AOPEP: variants seen among roughly 807,000 people sequenced by gnomAD.
AOPEP encodes aminopeptidase O.
In AOPEP, 77 loss-of-function variants were observed where a neutral mutation model predicts 98.1. That is an observed-to-expected ratio of 0.78 (90% CI 0.65 to 0.95). The LOEUF is 0.95. AOPEP is among the 40% of genes least tolerant of loss of function. The pLI is 0.00. For synonymous variants in AOPEP, 346 were observed against 365.3 expected (o/e 0.95, Z 0.60); for missense variants, 1,024 against 1,024.7 (o/e 1.00, Z 0.01).
At chr9:95,090,734 G>A (rs1454083157), downstream of AOPEP, among the ~76,000 whole-genome samples, 1 of 152,164 alleles carries the variant, frequency 6.6e-6, no homozygotes, top group African/African-American at 2.4e-5. Context: ...AATTCTGGCT[G>A]GACAAAGGCA....
At chr9:94,791,981 A>G (rs1449895085) in intron 3 of AOPEP, among the ~76,000 whole-genome samples, 3 of 152,248 alleles carry the variant, frequency 2.0e-5, no homozygotes, top group African/African-American at 7.2e-5. Flanking sequence ...TGAGGGGAGT[A>G]TAGTGTTACA....
intron 14 of AOPEP, among the ~76,000 whole-genome samples, chr9:95,076,314 C>T (rs183608700): frequency 6.6e-6 from 1 of 152,340 alleles, no homozygotes; most frequent in African/African-American, 2.4e-5. Context: ...GATGTACACA[C>T]TGATCTGGAC....
chr9:94,960,895 C>G (rs1164292399), intron 9 of AOPEP, among the ~76,000 whole-genome samples: 1 of 151,882 alleles, frequency 6.6e-6, no homozygotes, highest in Non-Finnish European at 1.5e-5. Flanking sequence ...GCCTGTAGTC[C>G]CAGCTACTCG....
At chr9:95,104,362 G>A in the AOPEP span, among the ~76,000 whole-genome samples, 2 of 152,222 alleles carry the variant, frequency 1.3e-5, no homozygotes, top group Admixed American at 6.5e-5. Context: ...CCACACTGGC[G>A]TCTGCTCTGG....
At chr9:94,833,515 G>A (rs1280572903) in intron 5 of AOPEP, among the ~76,000 whole-genome samples, 1 of 152,070 alleles carries the variant, frequency 6.6e-6, no homozygotes, top group Admixed American at 6.6e-5. Context: ...GGGATTACAG[G>A]TGTGAGCCAC....
intron 14 of AOPEP, among the ~76,000 whole-genome samples, chr9:95,073,807 C>T (rs576203558): frequency 1.6e-4 from 25 of 152,034 alleles, no homozygotes; most frequent in Non-Finnish European, 3.2e-4. Context: ...TGCAGTGAGC[C>T]GAGATCGCGT....
rs147896388 is a variant in AOPEP at position 94,780,699 on chromosome 9, A to G, written c.964+7531A>G. Among the ~76,000 whole-genome samples, 36 of 152,354 alleles carry G rather than the reference A, an allele frequency of 2.4e-4. No individual in the cohort carries two copies. The East Asian group carries it at 6.7e-3, about 29-fold the overall frequency. ...ACAAGATGATGCTATTTCCTTTCTA[A>G]GTCATGTTTTCTCGATTGGCAGATT... On this transcript the variant is annotated intron_variant, in intron 3 of 16. Transcript: ENST00000375315.
intron 3 of AOPEP, among the ~76,000 whole-genome samples, chr9:94,773,722 A>C (rs1388235127): frequency 1.3e-5 from 2 of 152,242 alleles, no homozygotes; most frequent in African/African-American, 4.8e-5. Context: ...TTATTGCAGC[A>C]TTTAACTTTT....
intron 10 of AOPEP, among the ~76,000 whole-genome samples, chr9:94,976,198 A>G (rs915356061): frequency 6.6e-6 from 1 of 152,072 alleles, no homozygotes; most frequent in East Asian, 1.9e-4. Flanking sequence ...CCAGCCTTCC[A>G]CAGAACCTTT....
intron 5 of AOPEP, among the ~76,000 whole-genome samples, chr9:94,832,435 G>C (rs1314077027): frequency 6.6e-6 from 1 of 152,166 alleles, no homozygotes; most frequent in Non-Finnish European, 1.5e-5. Context: ...GAGTTGCAGG[G>C]GAAGCGTCAA....
chr9:94,970,436 A>G (rs1296832239), intron 10 of AOPEP, among the ~76,000 whole-genome samples: 1 of 152,146 alleles, frequency 6.6e-6, no homozygotes, highest in Non-Finnish European at 1.5e-5. Context: ...CCCACTATAC[A>G]CACACATTAA....
At chr9:95,149,773 C>G in the AOPEP span, 1 of 935,478 alleles carries the variant, frequency 1.1e-6, no homozygotes, top group Non-Finnish European at 1.7e-6. Flanking sequence ...GCCACCACAC[C>G]TGGCCGGGAT....
chr9:95,000,613 C>T (rs1321482570), intron 11 of AOPEP, among the ~76,000 whole-genome samples: 2 of 152,104 alleles, frequency 1.3e-5, no homozygotes, highest in African/African-American at 4.8e-5. Context: ...GAGGCTGAGG[C>T]AGGAGAATCG....
intron 13 of AOPEP, among the ~76,000 whole-genome samples, chr9:95,055,506 A>G (rs1334541595): frequency 6.6e-6 from 1 of 152,198 alleles, no homozygotes; most frequent in Non-Finnish European, 1.5e-5. Context: ...AGTCTGGAAG[A>G]TGACTTAGTT....
At chr9:94,765,323 G>A (rs75698471) in intron 2 of AOPEP, among the ~76,000 whole-genome samples, 13,375 of 151,450 alleles carry the variant, frequency 0.088, 706 homozygotes, top group African/African-American at 0.13. Flanking sequence ...ATATATGCCA[G>A]ATGTGGTGGC....
At chr9:94,730,430 A>G (rs1024487514) in intron 1 of AOPEP, among the ~76,000 whole-genome samples, 3 of 152,184 alleles carry the variant, frequency 2.0e-5, no homozygotes, top group Non-Finnish European at 4.4e-5. Context: ...TCCTAACAGC[A>G]GTGATTATTT....
chr9:94,787,085 A>G (rs1190688252), intron 3 of AOPEP, among the ~76,000 whole-genome samples: 1 of 152,210 alleles, frequency 6.6e-6, no homozygotes, highest in Non-Finnish European at 1.5e-5. Flanking sequence ...CAATTATTTT[A>G]TTTCCATTAT....
At chr9:95,096,191 C>A in the AOPEP span, among the ~76,000 whole-genome samples, 1 of 152,120 alleles carries the variant, frequency 6.6e-6, no homozygotes, top group African/African-American at 2.4e-5. Context: ...CATCTTTTCC[C>A]CGTTGATGGC....
chr9:95,091,135 C>T (rs1376587797), downstream of AOPEP, among the ~76,000 whole-genome samples: 4 of 152,240 alleles, frequency 2.6e-5, no homozygotes, highest in Non-Finnish European at 5.9e-5. Flanking sequence ...CCAAGGGCCG[C>T]TTTCAAGGGA....
Sources: allele counts gnomAD v4.1 joint callset (sites outside exome capture counted in the v4.1 genomes callset), GRCh38; gene constraint gnomAD v4.1.1; transcripts MANE v1.5; gene names NCBI Gene and HGNC (gene_info 2026-07-23, HGNC 2026-07-21).